Variants in ATP9B observed in about 807,000 individuals in gnomAD.
ATP9B encodes probable phospholipid-transporting ATPase IIB.
Under a neutral mutation model 146.1 loss-of-function variants are expected in ATP9B, and 110 were observed. The observed-to-expected ratio is 0.75, with a 90% CI of 0.65 to 0.88. The LOEUF (loss-of-function observed/expected upper bound fraction) is 0.88, where lower values mean the gene tolerates loss of function less well. Among genes scored for constraint, ATP9B ranks in the 40% least tolerant of loss-of-function variants. The pLI is 0.00. For synonymous variants in ATP9B, 604 were observed against 569.7 expected (o/e 1.06, Z -0.86); for missense variants, 1,499 against 1,496.4 (o/e 1.00, Z -0.03).
In ATP9B at chr18:79,249,070, G is replaced by A. The variant is rs534486092; in HGVS notation, c.1108-4311G>A. Among the ~76,000 whole-genome samples, 9 of 148,140 alleles carry A rather than the reference G, an allele frequency of 6.1e-5. No individual in the cohort carries two copies. In the East Asian group the frequency reaches 1.8e-3, roughly 29 times the overall value. On this transcript the variant is annotated intron_variant, in intron 11 of 29. Transcript: ENST00000426216. ...TAAGGTCTGATTCTCACTCGTCCGA[G>A]CATTCATTTAAAAAAAAAAAAAAGC...
intron 14 of ATP9B, among the ~76,000 whole-genome samples, chr18:79,305,758 C>G (rs1366110890): frequency 6.6e-6 from 1 of 152,182 alleles, no homozygotes; most frequent in Admixed American, 6.5e-5. Context: ...TTGCTGAAAG[C>G]TTCTGTTAGT....
At chr18:79,286,142 C>T (rs2096438280) in intron 13 of ATP9B, among the ~76,000 whole-genome samples, 1 of 149,944 alleles carries the variant, frequency 6.7e-6, no homozygotes, top group African/African-American at 2.4e-5. Flanking sequence ...TAGTTTTTTC[C>T]AATTCTGTGA....
chr18:79,100,562 G>C (rs549476941), intron 2 of ATP9B, among the ~76,000 whole-genome samples: 1 of 151,974 alleles, frequency 6.6e-6, no homozygotes, highest in Non-Finnish European at 1.5e-5. Context: ...TGTTTGCATG[G>C]TATATATTGT....
chr18:79,183,579 T>C (rs534107322), intron 8 of ATP9B, among the ~76,000 whole-genome samples: 3 of 152,282 alleles, frequency 2.0e-5, no homozygotes, highest in African/African-American at 7.2e-5. Flanking sequence ...ACTTCGTTTA[T>C]AGTTTCTGTT....
At chr18:79,106,320 C>G (rs1456078450) in intron 2 of ATP9B, among the ~76,000 whole-genome samples, 2 of 152,218 alleles carry the variant, frequency 1.3e-5, no homozygotes, top group East Asian at 3.8e-4. Context: ...ATGCTTTCCT[C>G]ACATTTTTGT....
In ATP9B at chr18:79,359,364, A is replaced by G; in HGVS notation, c.2914A>G (p.Ile972Val). 1 of 1,613,496 alleles carries G rather than the reference A, an allele frequency of 6.2e-7. No individual in the cohort carries two copies. The highest frequency in any genetic ancestry group is 8.5e-7 in the Non-Finnish European group (1 of 1,179,478). ...QGFLMVGYAT[I>V]YTMFPVFSLV... ...CTCTTGGTCTTGCAGGTATGCCACC[A>G]TATACACCATGTTCCCAGTGTTCTC... The change falls in exon 26 of 30, where the codon ATA (isoleucine) becomes GTA (valine). Residue 972 changes from isoleucine to valine, a missense_variant. Physicochemically the swap from Ile to Val is conservative, Grantham distance 29 (BLOSUM62 3). Transcript: ENST00000426216.
chr18:79,378,143 G>A lies in ATP9B; in HGVS notation c.*760G>A. 6.6e-6 allele frequency: 1 copy of A among 152,252 alleles called. No individual in the cohort carries two copies. Among genetic ancestry groups the A allele is most frequent in the East Asian group, 1.9e-4 (1 of 5,192 alleles). 9.4% of individuals were successfully genotyped at this position (152,252 alleles called of 1,614,324 possible). ...TGTAATAAAATTGAGGCTCCACGGA[G>A]GCCCGTGTCCACATCAGCTGCAGCT... On this transcript the variant is annotated 3_prime_UTR_variant, in exon 30 of 30. Coordinates refer to ENST00000426216, the MANE Select transcript of ATP9B (RefSeq NM_198531.5).
At chr18:79,334,162 C>G (rs1201827036) in intron 17 of ATP9B, among the ~76,000 whole-genome samples, 1 of 152,090 alleles carries the variant, frequency 6.6e-6, no homozygotes, top group African/African-American at 2.4e-5. Flanking sequence ...GCAAGACCAT[C>G]CTGGCCAACA....
intron 7 of ATP9B, among the ~76,000 whole-genome samples, chr18:79,155,202 C>T (rs2094756197): frequency 6.6e-6 from 1 of 152,144 alleles, no homozygotes; most frequent in African/African-American, 2.4e-5. Flanking sequence ...GAAGTGCATA[C>T]ATTGACAGCA....
At chr18:79,205,757 AT>A (rs1224144037) in intron 9 of ATP9B, among the ~76,000 whole-genome samples, 1 of 151,744 alleles carries the variant, frequency 6.6e-6, no homozygotes, top group African/African-American at 2.4e-5. Context: ...AAATTCCCAG[AT>A]TTTAAATTGT....
At chr18:79,149,608 A>G (rs1486800865) in intron 6 of ATP9B, among the ~76,000 whole-genome samples, 2 of 152,190 alleles carry the variant, frequency 1.3e-5, no homozygotes, top group African/African-American at 4.8e-5. Context: ...TGTGAAAACC[A>G]TGTGAATACA....
chr18:79,158,110 A>C (rs530328999), intron 7 of ATP9B, among the ~76,000 whole-genome samples: 3 of 151,758 alleles, frequency 2.0e-5, no homozygotes, highest in Non-Finnish European at 2.9e-5. Flanking sequence ...TATTTACTTG[A>C]GGGTCTTTTT....
At chr18:79,192,280 C>T (rs531704119) in intron 8 of ATP9B, among the ~76,000 whole-genome samples, 38 of 152,180 alleles carry the variant, frequency 2.5e-4, no homozygotes, top group African/African-American at 6.7e-4. Flanking sequence ...TACACTCACA[C>T]GTACAGAATG....
chr18:79,359,523 G>A (rs755876705), intron 26 of ATP9B, 61 bp downstream of exon 26: 437 of 1,319,550 alleles, frequency 3.3e-4, no homozygotes, highest in Non-Finnish European at 4.1e-4. Flanking sequence ...CATTTTACAC[G>A]AGTGAGAAAC....
chr18:79,364,765 T>C (rs2097016293), intron 26 of ATP9B, among the ~76,000 whole-genome samples: 1 of 152,240 alleles, frequency 6.6e-6, no homozygotes, highest in Admixed American at 6.5e-5. Context: ...TTATCATGCC[T>C]GTAATACCAT....
intron 15 of ATP9B, among the ~76,000 whole-genome samples, chr18:79,325,970 C>G (rs867882274): frequency 3.8e-5 from 5 of 132,406 alleles, no homozygotes; most frequent in Admixed American, 7.4e-5. Context: ...TGTACCCTCC[C>G]TCCCCTCACA....
At chr18:79,088,691 T>G (rs554807528) in intron 1 of ATP9B, among the ~76,000 whole-genome samples, 1 of 152,356 alleles carries the variant, frequency 6.6e-6, no homozygotes, top group South Asian at 2.1e-4. Flanking sequence ...TCTTTGTGAT[T>G]ATTTTTAGTG....
chr18:79,224,550 G>A (rs1342457100), intron 11 of ATP9B, among the ~76,000 whole-genome samples: 1 of 152,164 alleles, frequency 6.6e-6, no homozygotes, highest in African/African-American at 2.4e-5. Flanking sequence ...TCATGCAAAT[G>A]GATTCCCTTT....
chr18:79,179,907 G>C (rs535401088), intron 8 of ATP9B, among the ~76,000 whole-genome samples: 1 of 152,282 alleles, frequency 6.6e-6, no homozygotes, highest in South Asian at 2.1e-4. Flanking sequence ...TTTGTAGATG[G>C]AACTATTTCT....
Sources: gnomAD v4.1 joint callset for allele counts (sites outside exome capture counted in the v4.1 genomes callset) on GRCh38, gnomAD v4.1.1 for gene constraint, MANE v1.5 for transcripts, NCBI Gene and HGNC (gene_info 2026-07-23, HGNC 2026-07-21) for gene names.